LIN9: variants seen among roughly 807,000 people sequenced by gnomAD.
LIN9 encodes the protein lin-9 DREAM MuvB core complex component.
A neutral mutation model predicts 78.0 loss-of-function variants in LIN9; 18 were observed. The observed-to-expected ratio is 0.23, with a 90% CI of 0.16 to 0.34. The LOEUF is 0.34. LIN9 is among the 10% of genes least tolerant of loss of function. The pLI is 1.00. For synonymous variants in LIN9, 192 were observed against 215.2 expected, an observed-to-expected ratio of 0.89 and a Z score of 0.94; for missense variants, 451 against 644.1, an observed-to-expected ratio of 0.70 and a Z score of 3.25.
intron 3 of LIN9, 84 bp from the exon 4 acceptor site, chr1:226,296,030 G>C (rs1172119816): frequency 1.2e-6 from 1 of 850,334 alleles, no homozygotes; most frequent in Non-Finnish European, 1.9e-6. Flanking sequence ...TTGGAAAACT[G>C]AGCTAACTCT....
Position 226,282,819 on chromosome 1 carries a change from TCAAAAAA to T in LIN9, c.524+3507_524+3513del, listed in dbSNP as rs1032037949. Among the ~76,000 whole-genome samples the T allele has an allele frequency of 2.1e-3, 327 of 152,178 alleles. 4 individuals carry two copies. The highest frequency in any genetic ancestry group is 1.7e-3 in the Non-Finnish European group (117 of 67,998). ...CTGGGCAACAGAGTGAGACTCTGTCTCAAAAAACAAAAAACAAAAAACAAAAAAAACT... is the reference window on the plus strand; with the variant it reads ...CTGGGCAACAGAGTGAGACTCTGTCTCAAAAAACAAAAAACAAAAAAAACT... On this transcript the variant is annotated intron_variant, in intron 6 of 14. Transcript: ENST00000681046.
rs75825463 is a variant in LIN9, at chr1:226,277,360, T to C, written c.682+415A>G. ...AACCAATACACTTTTTCCCAATTAC[T>C]TTAAAAAATAGATTTCATGCATGAA... is the stretch of plus-strand genomic sequence containing the variant. On this transcript the variant is annotated intron_variant, in intron 7 of 14. Transcript: ENST00000681046. Among the ~76,000 whole-genome samples, 632 of 152,340 alleles carry C rather than the reference T, an allele frequency of 4.1e-3. 26 individuals carry two copies. The South Asian group carries it at 0.075, about 18-fold the overall frequency.
chr1:226,302,825 A>C (rs947463901), intron 1 of LIN9, among the ~76,000 whole-genome samples: 1 of 152,228 alleles, frequency 6.6e-6, no homozygotes, highest in African/African-American at 2.4e-5. Flanking sequence ...AGCAACAGAT[A>C]AAGTATGGCA....
intron 6 of LIN9, among the ~76,000 whole-genome samples, chr1:226,278,948 C>T (rs1400015467): frequency 1.1e-4 from 16 of 147,922 alleles, no homozygotes; most frequent in South Asian, 2.2e-4. Flanking sequence ...GGTGAAACCC[C>T]GTCTCTACTA....
upstream of LIN9, chr1:226,309,182 G>C (rs757012495): frequency 5.6e-6 from 8 of 1,427,648 alleles, no homozygotes; most frequent in Non-Finnish European, 7.4e-6. Context: ...GCCCGCCGCG[G>C]TGCATTGTGG....
chr1:226,285,699 A>C (rs1037560665), intron 6 of LIN9, among the ~76,000 whole-genome samples: 1 of 152,232 alleles, frequency 6.6e-6, no homozygotes, highest in Admixed American at 6.5e-5. Context: ...ATTCTCAGGA[A>C]GTAACATATT....
At chr1:226,261,041 G>C (rs913280042) in intron 10 of LIN9, among the ~76,000 whole-genome samples, 10 of 151,746 alleles carry the variant, frequency 6.6e-5, no homozygotes, top group Non-Finnish European at 1.5e-5. Context: ...AGAAAAATAT[G>C]ATCAGATTGA....
In LIN9 at chr1:226,267,984, G is replaced by T. The variant is rs1183386990; in HGVS notation, c.789C>A (p.Thr263=). 1.2e-6 allele frequency: 2 copies of T among 1,613,414 alleles called. No individual in the cohort carries two copies. Among genetic ancestry groups the T allele is most frequent in the Non-Finnish European group, 1.7e-6 (2 of 1,179,638 alleles). Residue 263 remains threonine, a synonymous_variant, in exon 8 of 15, where the codon ACC becomes ACA. Coordinates refer to ENST00000681046, the MANE Select transcript of LIN9 (RefSeq NM_001366245.2). Reference sequence around the variant, plus strand: ...GAACTTCATAGTCAGGGATGGTATGGGTTCCAAGCCCTGTCCTATCAAAAG... The same window carrying T: ...GAACTTCATAGTCAGGGATGGTATGTGTTCCAAGCCCTGTCCTATCAAAAG... The part of the protein sequence containing the change: ...RVTFDRTGLG[T]HTIPDYEVLS...
intron 1 of LIN9, among the ~76,000 whole-genome samples, chr1:226,302,547 CAA>C (rs750572116): frequency 2.4e-3 from 189 of 79,102 alleles, no homozygotes; most frequent in African/African-American, 7.8e-3. Context: ...ACTCCATGTC[CAA>C]AAAAAAAAAA....
rs1016672298 is a variant in LIN9 at position 226,264,389 on chromosome 1, T to C, written c.1038+1144A>G. ...GAGACTCTGTCTCAAATAAAATAAA[T>C]AAACAAATAAATAAATAAATATTAA... On this transcript the variant is annotated intron_variant, in intron 10 of 14. Transcript: ENST00000681046. Among the ~76,000 whole-genome samples the C allele has an allele frequency of 1.9e-4, 29 of 151,026 alleles. No individual in the cohort carries two copies. In the East Asian group the frequency reaches 5.2e-3, roughly 27 times the overall value.
chr1:226,261,539 C>A (rs908092517), intron 10 of LIN9, among the ~76,000 whole-genome samples: 4 of 152,100 alleles, frequency 2.6e-5, no homozygotes, highest in African/African-American at 4.8e-5. Flanking sequence ...TACCTTAACA[C>A]CCCCCAAAAT....
chr1:226,295,642 A>C (rs187463816), intron 4 of LIN9, among the ~76,000 whole-genome samples, 200 bp downstream of exon 4: 2 of 152,306 alleles, frequency 1.3e-5, no homozygotes, highest in East Asian at 3.9e-4. Context: ...CATTTGTAGG[A>C]CTAATGACTG....
At chr1:226,259,306 G>A (rs564890670) in intron 10 of LIN9, among the ~76,000 whole-genome samples, 30 of 152,102 alleles carry the variant, frequency 2.0e-4, no homozygotes, top group Non-Finnish European at 3.5e-4. Flanking sequence ...ATCAAAACAT[G>A]AGGCAAAATG....
At chr1:226,268,827 C>T (rs1660090077) in intron 7 of LIN9, among the ~76,000 whole-genome samples, 1 of 152,194 alleles carries the variant, frequency 6.6e-6, no homozygotes, top group Non-Finnish European at 1.5e-5. Context: ...TGGGAGAGGA[C>T]TTTTGAAAAC....
intron 10 of LIN9, among the ~76,000 whole-genome samples, chr1:226,260,631 T>TG (rs1175479664): frequency 3.5e-5 from 1 of 28,576 alleles, no homozygotes; most frequent in African/African-American, 2.3e-4. Flanking sequence ...CAAATGAGTT[T>TG]TTTTTTTTTT....
intron 5 of LIN9, among the ~76,000 whole-genome samples, chr1:226,286,891 T>C (rs1661410967): frequency 6.6e-6 from 1 of 152,132 alleles, no homozygotes; most frequent in African/African-American, 2.4e-5. Context: ...CCAGAAGAAC[T>C]CAGATTACAC....
chr1:226,300,230 G>C (rs1662439862), intron 2 of LIN9, among the ~76,000 whole-genome samples: 1 of 152,072 alleles, frequency 6.6e-6, no homozygotes, highest in South Asian at 2.1e-4. Flanking sequence ...GAGCCACCGT[G>C]CCCAGTGAAA....
At chr1:226,284,097 C>A (rs189197931) in intron 6 of LIN9, among the ~76,000 whole-genome samples, 19 of 152,190 alleles carry the variant, frequency 1.2e-4, no homozygotes, top group Admixed American at 1.1e-3. Flanking sequence ...GGCATGAGAA[C>A]AACTTGTTTT....
intron 10 of LIN9, among the ~76,000 whole-genome samples, chr1:226,256,018 A>G (rs1257604575): frequency 1.3e-5 from 2 of 152,012 alleles, no homozygotes; most frequent in African/African-American, 4.8e-5. Context: ...GAGAATACCA[A>G]GCAGAAGAAA....
Sources: allele counts gnomAD v4.1 joint callset (sites outside exome capture counted in the v4.1 genomes callset), GRCh38; gene constraint gnomAD v4.1.1; transcripts MANE v1.5; gene names NCBI Gene and HGNC (gene_info 2026-07-23, HGNC 2026-07-21).